The following TERB1 variants were observed in gnomAD, a reference collection of about 807,000 sequenced individuals.
TERB1 encodes telomere repeats-binding bouquet formation protein 1.
Under a neutral mutation model 92.3 loss-of-function variants are expected in TERB1, and 63 were observed. That is an observed-to-expected ratio of 0.68 (90% confidence interval 0.56 to 0.84). The LOEUF (loss-of-function observed/expected upper bound fraction) is 0.84, where lower values mean the gene tolerates loss of function less well. TERB1 is among the 40% of genes least tolerant of loss of function. The pLI, the probability that TERB1 is intolerant of heterozygous loss-of-function variation, is 0.00. For synonymous variants in TERB1, 252 were observed against 283.9 expected (o/e 0.89, Z 1.13); for missense variants, 709 against 843.7 (o/e 0.84, Z 1.98).
chr16:66,754,744 CAAAT>C lies in TERB1; in HGVS notation c.*228_*231del. Reference sequence around the variant, plus strand: ...GGAAAAATAAAAGCATATTCCTAAACAAATGTTTGATCTTATGAAGGAATTTTCT... The same window carrying C: ...GGAAAAATAAAAGCATATTCCTAAACGTTTGATCTTATGAAGGAATTTTCT... On this transcript the variant is annotated 3_prime_UTR_variant, in exon 19 of 19. Coordinates refer to ENST00000433154, the MANE Select transcript of TERB1 (RefSeq NM_001136505.2). 1 of 466,066 alleles carries C rather than the reference CAAAT, an allele frequency of 2.1e-6. No homozygotes were observed. The allele number at this position is 466,066 out of a possible 1,614,324, so 28.9% of individuals were successfully genotyped here.
intron 9 of TERB1, 30 bp from the exon 10 acceptor site, chr16:66,779,045 T>C: frequency 1.4e-6 from 2 of 1,425,066 alleles, no homozygotes; most frequent in East Asian, 5.2e-5. Flanking sequence ...AAACTATTAA[T>C]ATTTCAAACA....
intron 9 of TERB1, 93 bp downstream of exon 9, chr16:66,785,693 G>C: frequency 7.8e-7 from 1 of 1,279,492 alleles, no homozygotes; most frequent in Non-Finnish European, 1.0e-6. Flanking sequence ...CAAATTACAA[G>C]AATTCAATTG....
intron 12 of TERB1, among the ~76,000 whole-genome samples, chr16:66,774,734 G>A (rs957848606): frequency 6.7e-6 from 1 of 149,546 alleles, no homozygotes; most frequent in African/African-American, 2.5e-5. Flanking sequence ...CCAGGCTGGA[G>A]GGCCAGTGGT....
At chr16:66,758,147 T>C (rs1829772380) in intron 18 of TERB1, among the ~76,000 whole-genome samples, 1 of 152,212 alleles carries the variant, frequency 6.6e-6, no homozygotes, top group South Asian at 2.1e-4. Flanking sequence ...TGCCTTACAA[T>C]AGGAGCAAAT....
intron 16 of TERB1, 43 bp downstream of exon 16, chr16:66,767,372 A>G (rs1171872111): frequency 8.6e-7 from 1 of 1,157,446 alleles, no homozygotes; most frequent in South Asian, 1.5e-5. Flanking sequence ...AATATCATAA[A>G]AGGCTTTGAC....
chr16:66,768,172 A>G lies in TERB1; in HGVS notation c.1620-4T>C. ...TGGGTGTTTAAAAACATGGTCACTA[A>G]AAGAAAATAGACACCAGATTACTAA... On this transcript the variant is annotated splice_region_variant and splice_polypyrimidine_tract_variant and intron_variant, in intron 14 of 18. Coordinates refer to ENST00000433154, the MANE Select transcript of TERB1 (RefSeq NM_001136505.2). 6.5e-7 allele frequency: 1 copy of G among 1,542,866 alleles called. No homozygotes were observed. The highest frequency in any genetic ancestry group is 1.2e-5 in the South Asian group (1 of 83,836).
chr16:66,767,471 ACTT>A lies in TERB1; in HGVS notation c.1721_1723del (p.Glu574del), dbSNP rs1443064326. Reference sequence around the variant, plus strand: ...ACTGGGAGTTGCTAGAAAACTGACTACTTCTTTATTTATTATATCTGAACATAA... The same window carrying A: ...ACTGGGAGTTGCTAGAAAACTGACTACTTTATTTATTATATCTGAACATAA... On this transcript the variant is annotated inframe_deletion, in exon 16 of 19. Transcript: ENST00000433154. 20 of 1,527,964 alleles carry A rather than the reference ACTT, an allele frequency of 1.3e-5. No homozygotes were observed. The highest frequency in any genetic ancestry group is 1.7e-5 in the Non-Finnish European group (19 of 1,137,688). The allele number at this position is 1,527,964 out of a possible 1,614,324, so 94.7% of individuals were successfully genotyped here.
chr16:66,759,843 AAG>A (rs991197410), intron 16 of TERB1, among the ~76,000 whole-genome samples: 6 of 149,726 alleles, frequency 4.0e-5, no homozygotes, highest in Non-Finnish European at 8.9e-5. Flanking sequence ...AGAAAAGAAA[AAG>A]AGCATCTAGA....
At chr16:66,794,930 C>T (rs1469993749) in intron 3 of TERB1, among the ~76,000 whole-genome samples, 4 of 151,372 alleles carry the variant, frequency 2.6e-5, no homozygotes, top group Non-Finnish European at 5.9e-5. Flanking sequence ...AAAACACACA[C>T]ACACACACAC....
intron 18 of TERB1, among the ~76,000 whole-genome samples, chr16:66,755,627 T>C (rs2018125244): frequency 6.6e-6 from 1 of 151,592 alleles, no homozygotes; most frequent in South Asian, 2.1e-4. Flanking sequence ...ATACAAAAAG[T>C]AGCCAGGCAT....
At chr16:66,755,290 G>T in intron 18 of TERB1, 127 bp from the exon 19 acceptor site, 1 of 638,848 alleles carries the variant, frequency 1.6e-6, no homozygotes, top group Non-Finnish European at 2.6e-6. Context: ...AAATGCCAGG[G>T]CTTCTCATCA....
chr16:66,788,087 A>G (rs111266333), intron 6 of TERB1, 82 bp downstream of exon 6: 12,840 of 1,129,932 alleles, frequency 0.011, 319 homozygotes, highest in South Asian at 0.091. Flanking sequence ...CAAAACTGAT[A>G]TAAGAACTCA....
intron 18 of TERB1, among the ~76,000 whole-genome samples, chr16:66,757,471 G>C (rs1469312281): frequency 6.6e-6 from 1 of 152,136 alleles, no homozygotes; most frequent in Non-Finnish European, 1.5e-5. Flanking sequence ...AGATCTCCAA[G>C]TGCATGATGT....
chr16:66,790,432 A>C (rs1247765652), intron 5 of TERB1, among the ~76,000 whole-genome samples, 163 bp downstream of exon 5: 1 of 150,126 alleles, frequency 6.7e-6, no homozygotes, highest in African/African-American at 2.4e-5. Flanking sequence ...GGAAGGAAAG[A>C]GAGAGAAAGA....
intron 2 of TERB1, among the ~76,000 whole-genome samples, chr16:66,798,428 C>T (rs995104118): frequency 2.6e-5 from 4 of 152,102 alleles, no homozygotes; most frequent in African/African-American, 4.8e-5. Context: ...GTGATCCTCC[C>T]GTCTTGGCCT....
At chr16:66,798,646 C>T (rs183240691) in intron 2 of TERB1, among the ~76,000 whole-genome samples, 6 of 152,252 alleles carry the variant, frequency 3.9e-5, no homozygotes, top group African/African-American at 1.2e-4. Flanking sequence ...TCAATTTAAT[C>T]TATAGTATGA....
Position 66,785,807 on chromosome 16 carries a change from C to T in TERB1, c.679G>A (p.Gly227Arg), listed in dbSNP as rs2018719324. The change falls in exon 9 of 19, where the codon GGA becomes AGA. Residue 227 changes from glycine (G) to arginine (R), a missense_variant. Physicochemically the swap from Gly to Arg is moderately radical, Grantham distance 125 (BLOSUM62 -2). Transcript: ENST00000433154. ...EIIRPICSFI[G>R]LTLANNTYVQ... ...TTACTGTTATTTGCAAGAGTGAGTC[C>T]AATAAATGAGCAAATAGGGCGAATT... 6.5e-7 allele frequency: 1 copy of T among 1,545,666 alleles called. No individual in the cohort carries two copies. Among genetic ancestry groups the T allele is most frequent in the Non-Finnish European group, 8.7e-7 (1 of 1,144,274 alleles).
chr16:66,789,178 G>A (rs2018778995), intron 5 of TERB1, among the ~76,000 whole-genome samples: 1 of 151,898 alleles, frequency 6.6e-6, no homozygotes, highest in Admixed American at 6.6e-5. Flanking sequence ...TTCAGTGGAT[G>A]GAAACCCCAT....
intron 3 of TERB1, among the ~76,000 whole-genome samples, chr16:66,794,914 A>ACACACACACACACACACAC (rs1316374992): frequency 9.7e-5 from 8 of 82,874 alleles, no homozygotes; most frequent in African/African-American, 2.4e-4. Context: ...CGTCTCAAAA[A>ACACACACACACACACACAC]AAAAAAAAAC....
Sources: gnomAD v4.1 joint callset for allele counts (sites outside exome capture counted in the v4.1 genomes callset) on GRCh38, gnomAD v4.1.1 for gene constraint, MANE v1.5 for transcripts, NCBI Gene and HGNC (gene_info 2026-07-23, HGNC 2026-07-21) for gene names.